Variants in ROBO2 observed in about 807,000 individuals in gnomAD.
ROBO2 encodes the protein roundabout guidance receptor 2, also known as roundabout homolog 2.
Under a neutral mutation model 160.8 loss-of-function variants are expected in ROBO2, and 53 were observed. That is an observed-to-expected ratio of 0.33 (90% CI 0.26 to 0.41). The LOEUF (loss-of-function observed/expected upper bound fraction) is 0.41. ROBO2 is among the 10% of genes least tolerant of loss of function. The pLI is 1.00. For missense variants in ROBO2, 1,577 were observed against 1,722.4 expected, an observed-to-expected ratio of 0.92 and a Z score of 1.49; for synonymous variants, 664 against 611.7, an observed-to-expected ratio of 1.09 and a Z score of -1.26.
chr3:77,373,638 C>T (rs1674542807), intron 2 of ROBO2, among the ~76,000 whole-genome samples: 1 of 151,988 alleles, frequency 6.6e-6, no homozygotes, highest in African/African-American at 2.4e-5. Context: ...AGAAAAGCTG[C>T]GTCCTGGTGA....
At chr3:76,063,401 G>T (rs2068132177) in intron 2 of ROBO2, among the ~76,000 whole-genome samples, 1 of 146,880 alleles carries the variant, frequency 6.8e-6, no homozygotes, top group African/African-American at 2.6e-5. Flanking sequence ...AGAGTGCAGT[G>T]GTGCAATGAG....
In ROBO2 at chr3:76,194,624, A is replaced by AT. The variant is rs746844898; in HGVS notation, c.109+257037dup. On this transcript the variant is annotated intron_variant, in intron 2 of 26. Coordinates refer to the ROBO2 transcript ENST00000487694. Reference sequence around the variant, plus strand: ...CTAATCAATACCTGACTTTAATGTGATTTTTTTTTTTTTTTAGACGGAGTC... The same window carrying AT: ...CTAATCAATACCTGACTTTAATGTGATTTTTTTTTTTTTTTTAGACGGAGTC... Among the ~76,000 whole-genome samples, 533 of 141,196 alleles carry AT rather than the reference A, an allele frequency of 3.8e-3. 3 individuals carry two copies. Among genetic ancestry groups the AT allele is most frequent in the Admixed American group, 4.7e-3 (66 of 13,920 alleles). 92.6% of individuals were successfully genotyped at this position (141,196 alleles called of 152,430 possible). A position where few individuals can be genotyped will look rare whatever the true frequency, so the allele number is the denominator to read the frequency against.
chr3:75,976,788 C>T (rs920662549), intron 2 of ROBO2, among the ~76,000 whole-genome samples: 2 of 151,202 alleles, frequency 1.3e-5, no homozygotes, highest in Admixed American at 6.6e-5. Context: ...GAAGAAGACT[C>T]GGAGGAAATA....
chr3:77,583,164 A>C (rs1452297069), intron 16 of ROBO2, among the ~76,000 whole-genome samples: 2 of 151,466 alleles, frequency 1.3e-5, no homozygotes, highest in African/African-American at 2.4e-5. Context: ...AAAAAAAAAA[A>C]AAAAAAAAAA....
chr3:77,483,632 T>C (rs2084967081), intron 4 of ROBO2, among the ~76,000 whole-genome samples: 1 of 151,122 alleles, frequency 6.6e-6, no homozygotes, highest in Non-Finnish European at 1.5e-5. Flanking sequence ...TAAAGGTCCT[T>C]TGCAGTTCAA....
chr3:76,196,817 A>T (rs559514865), intron 2 of ROBO2, among the ~76,000 whole-genome samples: 3 of 152,146 alleles, frequency 2.0e-5, no homozygotes, highest in African/African-American at 7.2e-5. Context: ...GAATAAATTG[A>T]TATGTGACAT....
At chr3:77,396,738 TAGTC>T (rs1427306820) in intron 2 of ROBO2, among the ~76,000 whole-genome samples, 23 of 152,186 alleles carry the variant, frequency 1.5e-4, no homozygotes, top group Middle Eastern at 3.4e-3. Flanking sequence ...ATCTTGCAAT[TAGTC>T]AGTCAGCAAA....
chr3:76,853,019 A>T (rs891521959), intron 2 of ROBO2, among the ~76,000 whole-genome samples: 27 of 152,070 alleles, frequency 1.8e-4, no homozygotes, highest in Admixed American at 1.4e-3. Flanking sequence ...GACACAGTTT[A>T]TTTTGGATTG....
chr3:77,278,275 T>G, intron 2 of ROBO2, among the ~76,000 whole-genome samples: 1 of 152,176 alleles, frequency 6.6e-6, no homozygotes, highest in East Asian at 1.9e-4. Flanking sequence ...TCCCATAGAC[T>G]TCCACTATGT....
At chr3:77,577,405 T>C (rs1294841653) in intron 14 of ROBO2, 85 bp from the exon 16 acceptor site, 1 of 1,580,340 alleles carries the variant, frequency 6.3e-7, no homozygotes, top group Non-Finnish European at 8.7e-7. Context: ...CTCCTGCAAC[T>C]TGTCTTTATA....
intron 21 of ROBO2, among the ~76,000 whole-genome samples, chr3:77,609,556 A>G (rs1475632928): frequency 6.6e-6 from 1 of 151,876 alleles, no homozygotes; most frequent in Non-Finnish European, 1.5e-5. Flanking sequence ...TTTCCCATTG[A>G]GTCTACTAAA....
chr3:76,757,915 G>A (rs921158100), intron 2 of ROBO2, among the ~76,000 whole-genome samples: 3 of 151,622 alleles, frequency 2.0e-5, no homozygotes, highest in South Asian at 2.1e-4. Flanking sequence ...TAAAAGGCAC[G>A]ATTTGTGAAA....
In ROBO2 at chr3:77,452,841, G is replaced by T. The variant is rs980884861; in HGVS notation, c.389-24573G>T. Among the ~76,000 whole-genome samples the T allele has an allele frequency of 3.3e-5, 5 of 152,224 alleles. 1 individual carries two copies. Among genetic ancestry groups the T allele is most frequent in the Non-Finnish European group, 7.4e-5 (5 of 67,978 alleles). ...AAATTAATCCCAGTTGCAGAAACAG[G>T]TTTGAATATCAAAAGCACACATACA... On this transcript the variant is annotated intron_variant, in intron 2 of 25. Transcript: ENST00000461745.
chr3:76,610,016 T>G (rs1380781051), intron 2 of ROBO2, among the ~76,000 whole-genome samples: 3 of 152,212 alleles, frequency 2.0e-5, no homozygotes, highest in African/African-American at 7.2e-5. Flanking sequence ...TTGATTGATT[T>G]GTGTATGTTG....
intron 2 of ROBO2, among the ~76,000 whole-genome samples, chr3:76,953,743 G>GTAA (rs1258690736): frequency 1.3e-5 from 2 of 152,098 alleles, no homozygotes; most frequent in Non-Finnish European, 2.9e-5. Flanking sequence ...ACAGTCCTTA[G>GTAA]AAGCAAGCAC....
In ROBO2 at chr3:76,520,312, G is replaced by A. The variant is rs576505553; in HGVS notation, c.110-577702G>A. ...CTAAAAATACAAAAATTAGCCGGGC[G>A]TGGTGGCAGGCACATGTAATCCCAG... is the stretch of plus-strand genomic sequence containing the variant. On this transcript the variant is annotated intron_variant, in intron 2 of 26. Coordinates refer to the ROBO2 transcript ENST00000487694. Among the ~76,000 whole-genome samples the A allele has an allele frequency of 3.9e-3, 592 of 152,192 alleles. 5 individuals carry two copies. Among genetic ancestry groups the A allele is most frequent in the African/African-American group, 0.014 (565 of 41,534 alleles).
intron 2 of ROBO2, among the ~76,000 whole-genome samples, chr3:76,673,179 C>A (rs917892206): frequency 6.6e-6 from 1 of 152,152 alleles, no homozygotes; most frequent in Admixed American, 6.6e-5. Flanking sequence ...CGGTTCATCT[C>A]CAGTAACCCT....
At chr3:76,620,811 C>G (rs1489634884) in intron 2 of ROBO2, among the ~76,000 whole-genome samples, 1 of 152,084 alleles carries the variant, frequency 6.6e-6, no homozygotes, top group South Asian at 2.1e-4. Context: ...AAACGCCGGT[C>G]TTGGGTACAT....
At chr3:77,261,460 A>G in intron 2 of ROBO2, among the ~76,000 whole-genome samples, 1 of 152,296 alleles carries the variant, frequency 6.6e-6, no homozygotes, top group Middle Eastern at 3.4e-3. Context: ...ATATTGTTAT[A>G]ATGTGTTGTC....
Sources: allele counts gnomAD v4.1 joint callset (sites outside exome capture counted in the v4.1 genomes callset), GRCh38; gene constraint gnomAD v4.1.1; transcripts MANE v1.5; gene names NCBI Gene and HGNC (gene_info 2026-07-23, HGNC 2026-07-21).